The following CSMD1 variants were observed in gnomAD, a reference collection of about 807,000 sequenced individuals.
The protein encoded by CSMD1 is CUB and sushi domain-containing protein 1.
In CSMD1, 213 loss-of-function variants were observed where a neutral mutation model predicts 417.5. The ratio of observed to expected loss-of-function variants is 0.51; its 90% CI spans 0.46 to 0.57. The LOEUF is 0.57. Among genes scored for constraint, CSMD1 ranks in the 20% least tolerant of loss-of-function variants. CSMD1 has a pLI of 0.00. For synonymous variants in CSMD1, 2,862 were observed against 1,736.8 expected (o/e 1.65, Z -16.11); for missense variants, 6,923 against 4,529.7 (o/e 1.53, Z -15.17).
chr8:4,139,997 G>C (rs911638119), intron 3 of CSMD1, among the ~76,000 whole-genome samples: 1 of 150,776 alleles, frequency 6.6e-6, no homozygotes, highest in Non-Finnish European at 1.5e-5. Flanking sequence ...GCAGGTAGGA[G>C]GTAAATAGTT....
At chr8:4,434,630 G>A (rs569988277) in intron 2 of CSMD1, among the ~76,000 whole-genome samples, 2 of 152,280 alleles carry the variant, frequency 1.3e-5, no homozygotes, top group East Asian at 1.9e-4. Flanking sequence ...ATTAAAGACA[G>A]AGTAACAACT....
chr8:3,406,685 C>G (rs1563355204), intron 14 of CSMD1, among the ~76,000 whole-genome samples: 1 of 152,134 alleles, frequency 6.6e-6, no homozygotes. Flanking sequence ...TACTATAACA[C>G]TAAATGAAAC....
chr8:4,615,648 T>A (rs779727289), intron 2 of CSMD1, among the ~76,000 whole-genome samples: 1 of 152,186 alleles, frequency 6.6e-6, no homozygotes, highest in African/African-American at 2.4e-5. Flanking sequence ...ATATATTTTT[T>A]TGTGAGTGTA....
At chr8:3,309,125 C>G (rs1805123944) in intron 23 of CSMD1, among the ~76,000 whole-genome samples, 1 of 152,214 alleles carries the variant, frequency 6.6e-6, no homozygotes, top group South Asian at 2.1e-4. Context: ...CCTCTAGGAC[C>G]TCTAGGAACG....
In CSMD1 at chr8:4,183,699, A is replaced by T. The variant is rs146154565; in HGVS notation, c.416-151600T>A. 2.2e-4 allele frequency among the ~76,000 whole-genome samples: 34 copies of T among 152,380 alleles called. No homozygotes were observed. The East Asian group carries it at 6.6e-3, about 29-fold the overall frequency. On this transcript the variant is annotated intron_variant, in intron 3 of 69. Coordinates refer to ENST00000635120, the MANE Select transcript of CSMD1 (RefSeq NM_033225.6). ...ATTTTGTTGTGAGCAGAGAAATTTA[A>T]AACTATCAAATGATGAAAAATAATA... is the stretch of plus-strand genomic sequence containing the variant.
intron 2 of CSMD1, among the ~76,000 whole-genome samples, chr8:4,545,849 G>C (rs1239098750): frequency 2.0e-5 from 3 of 152,292 alleles, no homozygotes; most frequent in East Asian, 3.9e-4. Context: ...TTTCTAGGAA[G>C]ATCATTTCAT....
At chr8:4,377,093 T>C (rs1213322490) in intron 3 of CSMD1, among the ~76,000 whole-genome samples, 1 of 152,208 alleles carries the variant, frequency 6.6e-6, no homozygotes, top group African/African-American at 2.4e-5. Flanking sequence ...ATTTCATTCC[T>C]CTTTCTTCTA....
Position 3,343,296 on chromosome 8 carries a change from G to T in CSMD1, c.3629C>A (p.Thr1210Asn), listed in dbSNP as rs777610505. The T allele has an allele frequency of 1.9e-6, 3 of 1,612,710 alleles. No homozygotes were observed. The highest frequency in any genetic ancestry group is 2.2e-5 in the South Asian group (2 of 91,054). ...TGATTAAGTCGTATGTTACTTACTG[G>T]TATAGGTGAGTTGAAAACCTTGGTC... The part of the protein sequence containing the change: ...DTDQGFQLTY[T>N]SFDLVKCEDP... The change falls in exon 23 of 70, where the codon ACC becomes AAC. Residue 1210 changes from threonine (T) to asparagine (N), a missense_variant and splice_region_variant. By Grantham distance (65) the Thr-to-Asn change is moderately conservative. Transcript: ENST00000635120.
intron 3 of CSMD1, among the ~76,000 whole-genome samples, chr8:4,147,256 A>C (rs547106909): frequency 6.6e-6 from 1 of 152,230 alleles, no homozygotes; most frequent in African/African-American, 2.4e-5. Flanking sequence ...CGAATCCTTC[A>C]GCGGCTCCTC....
At chr8:3,075,110 G>A (rs555945253) in intron 49 of CSMD1, among the ~76,000 whole-genome samples, 2 of 152,154 alleles carry the variant, frequency 1.3e-5, no homozygotes, top group Admixed American at 1.3e-4. Flanking sequence ...TAGGCGATGT[G>A]CCTGATCCCC....
intron 5 of CSMD1, among the ~76,000 whole-genome samples, chr8:3,803,040 A>G (rs184291032): frequency 1.3e-5 from 2 of 152,298 alleles, no homozygotes; most frequent in East Asian, 3.9e-4. Flanking sequence ...CCAGAAAAAA[A>G]TGCGGAAGAT....
intron 10 of CSMD1, among the ~76,000 whole-genome samples, chr8:3,572,059 G>C (rs1799966933): frequency 6.6e-6 from 1 of 152,146 alleles, no homozygotes; most frequent in South Asian, 2.1e-4. Flanking sequence ...CCTGTGAGTG[G>C]TATACTGAGT....
intron 1 of CSMD1, among the ~76,000 whole-genome samples, chr8:4,669,933 A>T (rs556086027): frequency 6.6e-6 from 1 of 152,096 alleles, no homozygotes; most frequent in Non-Finnish European, 1.5e-5. Context: ...TTTATTTTTG[A>T]AAGTCATGAG....
intron 1 of CSMD1, 73 bp downstream of exon 1, chr8:4,994,259 C>G: frequency 7.1e-7 from 1 of 1,408,040 alleles, no homozygotes; most frequent in Non-Finnish European, 9.8e-7. Context: ...GTCCCCAAAA[C>G]GCACACTCGC....
intron 10 of CSMD1, among the ~76,000 whole-genome samples, chr8:3,549,088 T>C (rs1306728882): frequency 6.6e-6 from 1 of 152,180 alleles, no homozygotes; most frequent in Non-Finnish European, 1.5e-5. Flanking sequence ...GAAGCCTCCA[T>C]CTCAGAGCCA....
chr8:4,676,717 T>C (rs962995338), intron 1 of CSMD1, among the ~76,000 whole-genome samples: 8 of 152,004 alleles, frequency 5.3e-5, no homozygotes, highest in Non-Finnish European at 1.2e-4. Context: ...AGTTTGTGTT[T>C]CTAGATCTCT....
intron 46 of CSMD1, among the ~76,000 whole-genome samples, chr8:3,097,656 C>A (rs889914084): frequency 2.0e-5 from 3 of 151,990 alleles, no homozygotes; most frequent in Non-Finnish European, 4.4e-5. Flanking sequence ...CAGAACAGTG[C>A]AAAATTTTAA....
At chr8:3,962,253 G>A (rs188207813) in intron 5 of CSMD1, among the ~76,000 whole-genome samples, 1 of 152,262 alleles carries the variant, frequency 6.6e-6, no homozygotes, top group Admixed American at 6.5e-5. Context: ...TCCAGATTTG[G>A]TCATGATGAG....
intron 2 of CSMD1, among the ~76,000 whole-genome samples, chr8:4,621,470 T>C (rs1437803554): frequency 2.6e-5 from 4 of 152,112 alleles, no homozygotes; most frequent in African/African-American, 9.6e-5. Context: ...AGTGGATATC[T>C]TGAAAAACAT....
Sources: gnomAD v4.1 joint callset for allele counts (sites outside exome capture counted in the v4.1 genomes callset) on GRCh38, gnomAD v4.1.1 for gene constraint, MANE v1.5 for transcripts, NCBI Gene and HGNC (gene_info 2026-07-23, HGNC 2026-07-21) for gene names.